USP36: variants seen among roughly 807,000 people sequenced by gnomAD.
USP36 encodes the protein ubiquitin specific peptidase 36, also known as ubiquitin carboxyl-terminal hydrolase 36.
In USP36, 59 loss-of-function variants were observed where a neutral mutation model predicts 111.5. The ratio of observed to expected loss-of-function variants is 0.53; its 90% CI spans 0.43 to 0.66. USP36 has a LOEUF of 0.66. Among genes scored for constraint, USP36 ranks in the 30% least tolerant of loss-of-function variants. USP36 has a pLI of 0.00. For missense variants in USP36, 1,488 were observed against 1,468.0 expected (o/e 1.01, Z -0.22); for synonymous variants, 628 against 581.0 (o/e 1.08, Z -1.16).
intron 1 of USP36, among the ~76,000 whole-genome samples, chr17:78,839,557 A>G (rs1462566585): frequency 1.3e-5 from 2 of 152,174 alleles, no homozygotes; most frequent in African/African-American, 4.8e-5. Flanking sequence ...ACGCTTGAGA[A>G]CCACTTAGGG....
intron 4 of USP36, among the ~76,000 whole-genome samples, chr17:78,833,931 A>T (rs1197410333): frequency 6.6e-6 from 1 of 152,106 alleles, no homozygotes; most frequent in Admixed American, 6.6e-5. Context: ...CGTGTAAAGG[A>T]TTGGAATTGT....
At position 78,819,944 on chromosome 17, in the gene USP36, G is replaced by A. The variant is rs771322558; in HGVS notation, c.897C>T (p.Ala299=). 13 of 1,614,094 alleles carry A rather than the reference G, an allele frequency of 8.1e-6. No homozygotes were observed. The highest frequency in any genetic ancestry group is 1.1e-5 in the Non-Finnish European group (13 of 1,180,006). ...VKADVLSGEN[A]YMCAKCKKKV... ...GTGAAACTTACTTAGCACACATGTA[G>A]GCATTCTCTCCACTCAGGACATCTG... The change falls in exon 9 of 21, where the codon GCC becomes GCT. Residue 299 remains alanine, a synonymous_variant. Coordinates refer to ENST00000449938, the MANE Select transcript of USP36 (RefSeq NM_001385174.1).
At chr17:78,806,351 A>G in intron 14 of USP36, 65 bp from the exon 15 acceptor site, 1 of 1,586,250 alleles carries the variant, frequency 6.3e-7, no homozygotes, top group Non-Finnish European at 8.5e-7. Context: ...TGAAGAGGGA[A>G]AACAAAAGTA....
chr17:78,824,818 G>C (rs1193294102), intron 6 of USP36, among the ~76,000 whole-genome samples: 1 of 152,172 alleles, frequency 6.6e-6, no homozygotes, highest in Non-Finnish European at 1.5e-5. Flanking sequence ...AAAGGGTTCA[G>C]AAAGTGACAG....
intron 10 of USP36, among the ~76,000 whole-genome samples, chr17:78,815,938 A>G (rs1219939743): frequency 6.6e-6 from 1 of 152,012 alleles, no homozygotes; most frequent in Non-Finnish European, 1.5e-5. Flanking sequence ...ACACACATAT[A>G]CACACATGCA....
intron 9 of USP36, 177 bp from the exon 10 acceptor site, chr17:78,818,955 A>C: frequency 1.7e-6 from 1 of 580,932 alleles, no homozygotes; most frequent in Non-Finnish European, 3.0e-6. Flanking sequence ...AAGTAAAGGA[A>C]AGCTACCACA....
intron 3 of USP36, among the ~76,000 whole-genome samples, chr17:78,789,981 G>A (rs887753235): frequency 1.4e-4 from 21 of 152,362 alleles, no homozygotes; most frequent in African/African-American, 5.1e-4. Flanking sequence ...GCTGCCTTCA[G>A]CAGCTGCTCC....
rs1429232228 is a variant in USP36 at position 78,798,505 on chromosome 17, T to G, written c.3287A>C (p.Asn1096Thr). The stretch of plus-strand genomic sequence containing the variant: ...TCGAGTCTGAAGTTTCTGGAAGGCG[T>G]TGAAGTTTCTCCTCTTCTCTCTCTT... ...KFKREKRRNF[N>T]AFQKLQTRRN... is the part of the protein sequence containing the mutation. The change falls in exon 20 of 21, where the codon AAC (asparagine) becomes ACC (threonine). Residue 1096 changes from asparagine to threonine, a missense_variant. Around this residue, in one of 3 missense-constraint regions of USP36, gnomAD observed 1,073 missense variants for 994.1 expected, o/e 1.08. Coordinates refer to ENST00000449938, the MANE Select transcript of USP36 (RefSeq NM_001385174.1). This position sits in a 1 kb window ranked among gnomAD's most constrained non-coding sequence, Gnocchi z 5.1. 1 of 1,614,194 alleles carries G rather than the reference T, an allele frequency of 6.2e-7. No individual in the cohort carries two copies. Among genetic ancestry groups the G allele is most frequent in the South Asian group, 1.1e-5 (1 of 91,088 alleles).
rs530725120 is a variant in USP36 at position 78,832,127 on chromosome 17, TAGAG to T, written c.476-3124_476-3121del. ...AAGTCAATCCATGACTACACGGACA[TAGAG>T]AGATTTGGGAAACAAAAGGACAGGA... On this transcript the variant is annotated intron_variant, in intron 4 of 20. Transcript: ENST00000449938. 1.6e-3 allele frequency among the ~76,000 whole-genome samples: 237 copies of T among 151,442 alleles called. 1 individual carries two copies. The highest frequency in any genetic ancestry group is 5.2e-3 in the African/African-American group (216 of 41,510).
At chr17:78,827,067 G>A (rs1028336802) in intron 6 of USP36, 178 bp downstream of exon 6, 10 of 747,610 alleles carry the variant, frequency 1.3e-5, no homozygotes, top group Non-Finnish European at 2.1e-5. Context: ...AGGAAGCAAG[G>A]GCAATCCCCT....
chr17:78,791,158 G>A (rs1434740871), downstream of USP36, among the ~76,000 whole-genome samples: 1 of 143,670 alleles, frequency 7.0e-6, no homozygotes, highest in Non-Finnish European at 1.5e-5. Flanking sequence ...TTTTTAGCTG[G>A]AGTTTCGCTG....
At chr17:78,828,740 C>T (rs1009920131) in intron 5 of USP36, among the ~76,000 whole-genome samples, 157 bp downstream of exon 5, 1 of 152,132 alleles carries the variant, frequency 6.6e-6, no homozygotes, top group African/African-American at 2.4e-5. Flanking sequence ...CACAGTGGCT[C>T]GTGTCTGTAA....
chr17:78,802,009 C>T (rs1431977212), intron 17 of USP36, among the ~76,000 whole-genome samples: 1 of 152,120 alleles, frequency 6.6e-6, no homozygotes, highest in Non-Finnish European at 1.5e-5. Flanking sequence ...TCTCCCAGAC[C>T]CTCCCAAGCT....
chr17:78,838,087 C>A (rs879303484), intron 2 of USP36, among the ~76,000 whole-genome samples: 1 of 151,922 alleles, frequency 6.6e-6, no homozygotes, highest in East Asian at 1.9e-4. Context: ...CATCGTGAGA[C>A]CCCATCTTTA....
rs757967737 is a variant in USP36 at position 78,829,006 on chromosome 17, G to T, written c.477C>A (p.Cys159Ter). The T allele has an allele frequency of 6.2e-7, 1 of 1,612,458 alleles. No individual in the cohort carries two copies. The highest frequency in any genetic ancestry group is 8.5e-7 in the Non-Finnish European group (1 of 1,179,272). Reference protein sequence around the residue: ...YLLSKEHARSCHQGSFCMLCV... With the variant: ...YLLSKEHARS Reference sequence around the variant, plus strand: ...ACAGCATGCAGAAGCTTCCCTGGTGGCCTGCCGGCGTGGAAGGAGGAGCAA... The same window carrying T: ...ACAGCATGCAGAAGCTTCCCTGGTGTCCTGCCGGCGTGGAAGGAGGAGCAA... Residue 159 changes from cysteine to a stop codon, truncating the protein, a stop_gained and splice_region_variant, in exon 5 of 21, where the codon TGC becomes TGA. Coordinates refer to ENST00000449938, the MANE Select transcript of USP36 (RefSeq NM_001385174.1). LOFTEE classifies it high-confidence loss of function.
At chr17:78,825,739 C>A (rs140681842) in intron 6 of USP36, among the ~76,000 whole-genome samples, 2 of 151,738 alleles carry the variant, frequency 1.3e-5, no homozygotes, top group Admixed American at 1.3e-4. Context: ...GTCCTAAGAG[C>A]GCTCCAGGTG....
At chr17:78,788,172 A>AC (rs1555619502) in intron 3 of USP36, among the ~76,000 whole-genome samples, 1 of 148,282 alleles carries the variant, frequency 6.7e-6, no homozygotes, top group Non-Finnish European at 1.5e-5. Flanking sequence ...TTATTTATTT[A>AC]TTTTTTTTTT....
rs551069778 is a variant in USP36 at position 78,795,937 on chromosome 17, C to G, written c.*1963G>C. The G allele has an allele frequency of 3.3e-5, 5 of 152,334 alleles. No homozygotes were observed. Among genetic ancestry groups the G allele is most frequent in the African/African-American group, 1.2e-4 (5 of 41,572 alleles). The allele number at this position is 152,334 out of a possible 1,614,324, so 9.4% of individuals were successfully genotyped here. On this transcript the variant is annotated 3_prime_UTR_variant, in exon 21 of 21. Coordinates refer to ENST00000449938, the MANE Select transcript of USP36 (RefSeq NM_001385174.1). The surrounding 1 kb of genome is among the most constrained non-coding windows in gnomAD (Gnocchi z 4.5). ...CAAAGGCTTGGGTTATTGACATTTA[C>G]TTACATACGTGTACAAGACCTAGAG...
intron 5 of USP36, among the ~76,000 whole-genome samples, chr17:78,827,904 C>CT (rs2067720090): frequency 6.6e-6 from 1 of 152,114 alleles, no homozygotes; most frequent in Non-Finnish European, 1.5e-5. Context: ...GAGCAAGACT[C>CT]TATCTCAGAA....
Sources: gnomAD v4.1 joint callset for allele counts (sites outside exome capture counted in the v4.1 genomes callset) on GRCh38, gnomAD v4.1.1 for gene constraint, gnomAD v4.1.1 regional missense constraint, Gnocchi (gnomAD v3.1) non-coding constraint, MANE v1.5 for transcripts, NCBI Gene and HGNC (gene_info 2026-07-23, HGNC 2026-07-21) for gene names.